Variants in AHDC1 observed in about 807,000 individuals in gnomAD.
The protein encoded by AHDC1 is transcription factor Gibbin.
A neutral mutation model predicts 87.9 loss-of-function variants in AHDC1; 7 were observed. The ratio of observed to expected loss-of-function variants is 0.08; its 90% CI spans 0.05 to 0.15. AHDC1 has a LOEUF of 0.15. Ranked by LOEUF, AHDC1 falls within the 10% of genes least tolerant of loss-of-function variation. AHDC1 has a pLI of 1.00. For synonymous variants in AHDC1, 1,051 were observed against 1,006.8 expected (o/e 1.04, Z -0.83); for missense variants, 1,841 against 2,253.2 (o/e 0.82, Z 3.70).
chr1:27,575,527 G>A (rs951377799), intron 3 of AHDC1, among the ~76,000 whole-genome samples: 3 of 152,060 alleles, frequency 2.0e-5, no homozygotes, highest in African/African-American at 7.2e-5. Context: ...CCCTGCCCGA[G>A]CTGCGCGCTT....
In AHDC1 at chr1:27,548,378, A is replaced by G; in HGVS notation, c.3738T>C (p.His1246=). ...CAGAGGCGGATGTCGGGAAGCCCAG[A>G]TGTGAGGCCTCGAACAGGTCCACCT... is the stretch of plus-strand genomic sequence containing the variant. ...RKKVDLFEAS[H]LGFPTSASAA... is the part of the protein sequence containing the mutation. The change falls in exon 8 of 9, where the codon CAT becomes CAC. Residue 1246 remains histidine (H), a synonymous_variant. Coordinates refer to ENST00000673934, the MANE Select transcript of AHDC1 (RefSeq NM_001371928.1). 1.2e-6 allele frequency: 2 copies of G among 1,607,712 alleles called. No homozygotes were observed. Among genetic ancestry groups the G allele is most frequent in the Non-Finnish European group, 1.7e-6 (2 of 1,175,240 alleles).
intron 8 of AHDC1, among the ~76,000 whole-genome samples, chr1:27,540,610 G>T (rs2018859880): frequency 6.6e-6 from 1 of 152,040 alleles, no homozygotes; most frequent in African/African-American, 2.4e-5. Flanking sequence ...TGGAGGAAGT[G>T]ATGTCTGAGT....
At position 27,572,074 on chromosome 1, in the gene AHDC1, G is replaced by A. The variant is rs566918494; in HGVS notation, c.-628-13191C>T. ...CTGGCCTTCAGCCCCCCAACTCAAG[G>A]CCTGACAGGGGTGGGGGAGAAAAGA... is the stretch of plus-strand genomic sequence containing the variant. On this transcript the variant is annotated intron_variant, in intron 3 of 8. Transcript: ENST00000673934. Among the ~76,000 whole-genome samples, 37 of 152,060 alleles carry A rather than the reference G, an allele frequency of 2.4e-4. No homozygotes were observed. In the East Asian group the frequency reaches 7.2e-3, roughly 29 times the overall value.
intron 3 of AHDC1, among the ~76,000 whole-genome samples, chr1:27,578,719 C>T (rs977087236): frequency 4.0e-5 from 6 of 148,688 alleles, no homozygotes; most frequent in South Asian, 2.1e-4. Context: ...TTTTTTGACA[C>T]GGAGTCTTAC....
At chr1:27,539,852 G>A (rs917186695) in intron 8 of AHDC1, among the ~76,000 whole-genome samples, 1 of 152,138 alleles carries the variant, frequency 6.6e-6, no homozygotes, top group Admixed American at 6.5e-5. Flanking sequence ...CAGCTGTGAG[G>A]CAGTAGGACC....
Position 27,590,857 on chromosome 1 carries a change from G to T in AHDC1, c.-629+12540C>A, listed in dbSNP as rs1399998709. ...TTTCCGGAGGGGATGAGCATCAGCT[G>T]GAGGGAGTGGGGAACAGGCAGGTGG... On this transcript the variant is annotated intron_variant, in intron 3 of 8. Coordinates refer to ENST00000673934, the MANE Select transcript of AHDC1 (RefSeq NM_001371928.1). The surrounding 1 kb of genome is among the most constrained non-coding windows in gnomAD (Gnocchi z 5.4). Among the ~76,000 whole-genome samples, 1 of 152,200 alleles carries T rather than the reference G, an allele frequency of 6.6e-6. No individual in the cohort carries two copies. Among genetic ancestry groups the T allele is most frequent in the African/African-American group, 2.4e-5 (1 of 41,432 alleles).
intron 8 of AHDC1, among the ~76,000 whole-genome samples, chr1:27,535,772 A>G (rs896932169): frequency 2.2e-4 from 33 of 152,128 alleles, no homozygotes; most frequent in Admixed American, 8.5e-4. Flanking sequence ...TCGAGATTGG[A>G]AGTACCCCTT....
chr1:27,534,646 C>T lies in AHDC1; in HGVS notation c.*314G>A, dbSNP rs1216385691. 1.3e-5 allele frequency: 2 copies of T among 152,140 alleles called. No individual in the cohort carries two copies. The highest frequency in any genetic ancestry group is 1.5e-5 in the Non-Finnish European group (1 of 67,940). The allele number at this position is 152,140 out of a possible 1,614,324, so 9.4% of individuals were successfully genotyped here. ...AACCTCTTGCACACGCTCGCTCTCT[C>T]GCTCTCTCTCTCTCTTTTTTTTTTT... On this transcript the variant is annotated 3_prime_UTR_variant, in exon 9 of 9. Coordinates refer to ENST00000673934, the MANE Select transcript of AHDC1 (RefSeq NM_001371928.1).
In AHDC1 at chr1:27,540,544, G is replaced by A. The variant is rs576083055; in HGVS notation, c.*44-5628C>T. Among the ~76,000 whole-genome samples the A allele has an allele frequency of 2.3e-4, 35 of 152,196 alleles. No individual in the cohort carries two copies. The East Asian group carries it at 3.5e-3, about 15-fold the overall frequency. ...GGGCATTCCCAGGAAGGGCTGTCAC[G>A]GATGCAGAGAGGGTGAGAGATTAAT... is the stretch of plus-strand genomic sequence containing the variant. On this transcript the variant is annotated intron_variant, in intron 8 of 8. Coordinates refer to ENST00000673934, the MANE Select transcript of AHDC1 (RefSeq NM_001371928.1).
chr1:27,555,751 C>A (rs925831061), intron 5 of AHDC1, among the ~76,000 whole-genome samples: 4 of 151,940 alleles, frequency 2.6e-5, no homozygotes, highest in African/African-American at 7.2e-5. Context: ...GCTAGCCGAG[C>A]CTTCCCCGCC....
intron 3 of AHDC1, among the ~76,000 whole-genome samples, chr1:27,579,588 T>C (rs956130143): frequency 6.7e-6 from 1 of 149,872 alleles, no homozygotes; most frequent in Non-Finnish European, 1.5e-5. Context: ...ATTGTTTGCT[T>C]AGATCACTGT....
intron 3 of AHDC1, among the ~76,000 whole-genome samples, chr1:27,570,124 A>G (rs1034524544): frequency 2.7e-5 from 4 of 150,810 alleles, no homozygotes; most frequent in African/African-American, 9.8e-5. Flanking sequence ...GGGCATGCCA[A>G]CCTTTCCCTA....
intron 3 of AHDC1, among the ~76,000 whole-genome samples, chr1:27,566,295 G>C (rs950651271): frequency 1.3e-5 from 2 of 152,106 alleles, no homozygotes; most frequent in African/African-American, 4.8e-5. Context: ...AGATCTGGAG[G>C]GAGGGGGCGA....
intron 3 of AHDC1, among the ~76,000 whole-genome samples, chr1:27,602,986 T>TTC (rs1242222929): frequency 2.9e-5 from 2 of 69,824 alleles, no homozygotes; most frequent in African/African-American, 1.3e-4. Context: ...CCCCCTTCAT[T>TTC]CCCCCCCCCC....
Position 27,548,843 on chromosome 1 carries a change from G to A in AHDC1, c.3273C>T (p.Ser1091=), listed in dbSNP as rs2019342363. 4.4e-6 allele frequency: 7 copies of A among 1,591,192 alleles called. No homozygotes were observed. Among genetic ancestry groups the A allele is most frequent in the African/African-American group, 1.4e-5 (1 of 73,738 alleles). Residue 1091 remains serine (S), a synonymous_variant, in exon 8 of 9, where the codon TCC becomes TCT. Transcript: ENST00000673934. ...AASAASSSSS[S]FQPSPENCRQ... ...GACAGTTCTCGGGCGAGGGCTGGAA[G>A]GAGGAGGAGGAGGAGGAGGCGGCAG... is the stretch of plus-strand genomic sequence containing the variant.
Position 27,558,853 on chromosome 1 carries a change from C to A in AHDC1, c.-598G>T. The A allele has an allele frequency of 2.5e-6, 1 of 398,656 alleles. No individual in the cohort carries two copies. Among genetic ancestry groups the A allele is most frequent in the Non-Finnish European group, 4.4e-6 (1 of 226,104 alleles). The allele number at this position is 398,656 out of a possible 1,614,324, so 24.7% of individuals were successfully genotyped here. A position where few individuals can be genotyped will look rare whatever the true frequency, so the allele number is the denominator to read the frequency against. On this transcript the variant is annotated 5_prime_UTR_variant, in exon 4 of 9. Coordinates refer to ENST00000673934, the MANE Select transcript of AHDC1 (RefSeq NM_001371928.1). This position sits in a 1 kb window ranked among gnomAD's most constrained non-coding sequence, Gnocchi z 5.6. Reference sequence around the variant, plus strand: ...AACTGGGTGGGCTCTGGGGTCCAGGCCGATGGGTTGACAATCAGGCAAGCT... The same window carrying A: ...AACTGGGTGGGCTCTGGGGTCCAGGACGATGGGTTGACAATCAGGCAAGCT...
chr1:27,563,253 A>G lies in AHDC1; in HGVS notation c.-628-4370T>C, dbSNP rs2020178555. ...AAGACACACACACACGCACGCATGC[A>G]TGCACACACCCACACAAAGAACCTG... On this transcript the variant is annotated intron_variant, in intron 3 of 8. Coordinates refer to ENST00000673934, the MANE Select transcript of AHDC1 (RefSeq NM_001371928.1). This position sits in a 1 kb window ranked among gnomAD's most constrained non-coding sequence, Gnocchi z 6.1. 1.3e-5 allele frequency among the ~76,000 whole-genome samples: 2 copies of G among 151,850 alleles called. No homozygotes were observed. The highest frequency in any genetic ancestry group is 4.2e-4 in the South Asian group (2 of 4,790).
At position 27,551,992 on chromosome 1, in the gene AHDC1, G is replaced by A. The variant is rs779267543; in HGVS notation, c.124C>T (p.Arg42Trp). 9 of 1,469,982 alleles carry A rather than the reference G, an allele frequency of 6.1e-6. No homozygotes were observed. The Admixed American group carries it at 1.0e-4, about 17-fold the overall frequency. The allele number at this position is 1,469,982 out of a possible 1,614,324, so 91.1% of individuals were successfully genotyped here. Residue 42 changes from arginine to tryptophan, a missense_variant, in exon 8 of 9, where the codon CGG (arginine) becomes TGG (tryptophan). Around this residue, in one of 13 missense-constraint regions of AHDC1, gnomAD observed 142 missense variants for 165.6 expected, o/e 0.86. Transcript: ENST00000673934. ...PPTPRPLLPT[R>W]PPASPPDKAF... ...TTGTCAGGTGGGCTGGCAGGGGGCC[G>A]GGTGGGAAGCAGGGGCCGGGGGGTG... is the stretch of plus-strand genomic sequence containing the variant.
rs765950007 is a variant in AHDC1, at chr1:27,551,928, G to A, written c.188C>T (p.Pro63Leu). 1 of 1,572,716 alleles carries A rather than the reference G, an allele frequency of 6.4e-7. No homozygotes were observed. ...GGTGCTGGGGTCCCGGCGTGGGGGT[G>A]GGCGTGGGTTCTCGGAGAAGGCGTG... ...STHAFSENPR[P>L]PPRRDPSTRR... Residue 63 changes from proline to leucine, a missense_variant, in exon 8 of 9, where the codon CCA becomes CTA. Pro to Leu is a moderately conservative substitution (Grantham distance 98). This residue lies in a region of AHDC1 where 142 missense variants were observed against 165.6 expected (regional missense o/e 0.86). Coordinates refer to ENST00000673934, the MANE Select transcript of AHDC1 (RefSeq NM_001371928.1).
Sources: allele counts gnomAD v4.1 joint callset (sites outside exome capture counted in the v4.1 genomes callset), GRCh38; gene constraint gnomAD v4.1.1; regional missense constraint gnomAD v4.1.1; non-coding constraint Gnocchi (gnomAD v3.1); transcripts MANE v1.5; gene names NCBI Gene and HGNC (gene_info 2026-07-23, HGNC 2026-07-21).